IGSF9B: variants seen among roughly 807,000 people sequenced by gnomAD.
IGSF9B encodes the protein protein turtle homolog B.
Under a neutral mutation model 143.7 loss-of-function variants are expected in IGSF9B, and 48 were observed. The ratio of observed to expected loss-of-function variants is 0.33; its 90% CI spans 0.26 to 0.42. The LOEUF is 0.42. IGSF9B is among the 20% of genes least tolerant of loss of function. The pLI, the probability that IGSF9B is intolerant of heterozygous loss-of-function variation, is 1.00. For synonymous variants in IGSF9B, 903 were observed against 833.1 expected, an observed-to-expected ratio of 1.08 and a Z score of -1.44; for missense variants, 1,706 against 1,980.0, an observed-to-expected ratio of 0.86 and a Z score of 2.63.
Position 133,921,252 on chromosome 11 carries a change from G to T in IGSF9B, c.2473C>A (p.Arg825=), listed in dbSNP as rs776267595. The part of the protein sequence containing the change: ...KELSLYKKTK[R]AISSKKYSVA... ...CTGTACTTCTTGCTGCTGATGGCCC[G>T]CTTGGTCTTCTTGTACAGCGACAGC... Residue 825 remains arginine, a synonymous_variant, in exon 18 of 20, where the codon CGG becomes AGG. Transcript: ENST00000533871. The T allele has an allele frequency of 1.7e-5, 28 of 1,610,860 alleles. No homozygotes were observed. Among genetic ancestry groups the T allele is most frequent in the Non-Finnish European group, 2.3e-5 (27 of 1,179,048 alleles).
intron 3 of IGSF9B, among the ~76,000 whole-genome samples, chr11:133,943,077 G>T (rs1319902170): frequency 6.6e-6 from 1 of 152,104 alleles, no homozygotes; most frequent in Non-Finnish European, 1.5e-5. Context: ...GCCACCCTTC[G>T]GAGCAGATAA....
At chr11:133,952,894 C>T (rs566144877) in intron 1 of IGSF9B, among the ~76,000 whole-genome samples, 4 of 152,298 alleles carry the variant, frequency 2.6e-5, no homozygotes, top group African/African-American at 9.6e-5. Context: ...AGCTGCTTCA[C>T]CTCTTCTAGG....
At chr11:133,911,662 T>C (rs1267364644) in intron 19 of IGSF9B, among the ~76,000 whole-genome samples, 3 of 152,364 alleles carry the variant, frequency 2.0e-5, no homozygotes, top group East Asian at 1.9e-4. Flanking sequence ...ATTTCCCTTA[T>C]CTTTCTCGTT....
At chr11:133,919,709 AG>A (rs1939473343) in intron 18 of IGSF9B, 32 bp downstream of exon 18, 1 of 1,302,866 alleles carries the variant, frequency 7.7e-7, no homozygotes, top group African/African-American at 1.5e-5. Flanking sequence ...GAAGTTGCCC[AG>A]GTGCGGGTGG....
chr11:133,932,417 A>G lies in IGSF9B; in HGVS notation c.968-204T>C, dbSNP rs918735399. Among the ~76,000 whole-genome samples, 9 of 146,848 alleles carry G rather than the reference A, an allele frequency of 6.1e-5. No homozygotes were observed. The South Asian group carries it at 2.0e-3, about 33-fold the overall frequency. ...ACACAGGGAAGCCAGGTGGGAGAGC[A>G]GACAGACAGACAGATACAGGGACAG... On this transcript the variant is annotated intron_variant, in intron 7 of 19. Transcript: ENST00000533871.
chr11:133,930,503 A>C (rs1055415367), intron 11 of IGSF9B, among the ~76,000 whole-genome samples: 1 of 152,180 alleles, frequency 6.6e-6, no homozygotes, highest in African/African-American at 2.4e-5. Flanking sequence ...GTCCTGGGAC[A>C]CGCGCTTCGG....
At chr11:133,919,116 T>G in intron 18 of IGSF9B, 1 of 23,796 alleles carries the variant, frequency 4.2e-5, no homozygotes, top group Non-Finnish European at 8.1e-5. Flanking sequence ...CTGCGAGGTA[T>G]ACGGGGGGGG....
In IGSF9B at chr11:133,953,423, C is replaced by T. The variant is rs965489018; in HGVS notation, c.64+3268G>A. ...CCCCAGCATGTGTGTGCTGAGGATA[C>T]ACACACACATCCATCCAGCCACTGA... On this transcript the variant is annotated intron_variant, in intron 1 of 19. Coordinates refer to ENST00000533871, the MANE Select transcript of IGSF9B (RefSeq NM_001277285.4). This position sits in a 1 kb window ranked among gnomAD's most constrained non-coding sequence, Gnocchi z 4.2. Among the ~76,000 whole-genome samples, 6 of 152,164 alleles carry T rather than the reference C, an allele frequency of 3.9e-5. No individual in the cohort carries two copies. The highest frequency in any genetic ancestry group is 1.4e-4 in the African/African-American group (6 of 41,436).
intron 3 of IGSF9B, among the ~76,000 whole-genome samples, chr11:133,943,235 A>AC (rs1237238161): frequency 6.6e-6 from 1 of 152,236 alleles, no homozygotes; most frequent in Non-Finnish European, 1.5e-5. Context: ...CTGCCACACA[A>AC]CGGTGGCTAG....
chr11:133,921,289 G>A lies in IGSF9B; in HGVS notation c.2436C>T (p.Thr812=). Residue 812 remains threonine (T), a synonymous_variant, in exon 18 of 20, where the codon ACC becomes ACT. Coordinates refer to ENST00000533871, the MANE Select transcript of IGSF9B (RefSeq NM_001277285.4). The part of the protein sequence containing the change: ...QPAAKRMLSP[T]REKELSLYKK... ...TGTACAGCGACAGCTCCTTCTCACG[G>A]GTGGGGCTCAGCATCCTCTTGGCCG... The A allele has an allele frequency of 2.5e-6, 4 of 1,610,696 alleles. No individual in the cohort carries two copies. Among genetic ancestry groups the A allele is most frequent in the Non-Finnish European group, 2.5e-6 (3 of 1,178,558 alleles).
At position 133,919,979 on chromosome 11, in the gene IGSF9B, C is replaced by G; in HGVS notation, c.3746G>C (p.Arg1249Pro). The G allele has an allele frequency of 1.3e-6, 2 of 1,575,396 alleles. No homozygotes were observed. Among genetic ancestry groups the G allele is most frequent in the South Asian group, 1.2e-5 (1 of 86,738 alleles). ...GGAGCCTGTGGACGGCGTAGACTTT[C>G]GAGAAAAGCTGACTGCAGCCGGCGG... ...LQPPAAVSFSRKSTPSTGSPS... is the reference protein window; with the variant it reads ...LQPPAAVSFSPKSTPSTGSPS... The change falls in exon 18 of 20, where the codon CGA (arginine) becomes CCA (proline). Residue 1249 changes from arginine (R) to proline (P), a missense_variant. Transcript: ENST00000533871.
At chr11:133,956,596 A>C in intron 1 of IGSF9B, 95 bp downstream of exon 1, 8 of 805,526 alleles carry the variant, frequency 9.9e-6, no homozygotes, top group African/African-American at 1.8e-5. Context: ...GAGCTGGGGA[A>C]CCGGGGGGCC....
chr11:133,924,138 C>G lies in IGSF9B; in HGVS notation c.2119+682G>C, dbSNP rs185076529. Among the ~76,000 whole-genome samples the G allele has an allele frequency of 2.7e-4, 41 of 152,316 alleles. No individual in the cohort carries two copies. The East Asian group carries it at 7.9e-3, about 29-fold the overall frequency. Reference sequence around the variant, plus strand: ...CACTGTCACCTGGTCCCAGGGGACTCTGGGTGAGCGGTGCCCAAGGAAATG... The same window carrying G: ...CACTGTCACCTGGTCCCAGGGGACTGTGGGTGAGCGGTGCCCAAGGAAATG... On this transcript the variant is annotated intron_variant, in intron 15 of 19. Coordinates refer to ENST00000533871, the MANE Select transcript of IGSF9B (RefSeq NM_001277285.4).
chr11:133,935,881 G>A lies in IGSF9B; in HGVS notation c.822-119C>T, dbSNP rs140788663. 4.0e-4 allele frequency: 573 copies of A among 1,428,930 alleles called. No individual in the cohort carries two copies. In the African/African-American group the frequency reaches 6.9e-3, roughly 17 times the overall value. The allele number at this position is 1,428,930 out of a possible 1,614,324, so 88.5% of individuals were successfully genotyped here. The stretch of plus-strand genomic sequence containing the variant: ...AGAGCCCATGCCCCTGGCATCCCCA[G>A]GGCCCCTCCATGCAGACCCTGGCCT... On this transcript the variant is annotated intron_variant, in intron 6 of 19. Coordinates refer to ENST00000533871, the MANE Select transcript of IGSF9B (RefSeq NM_001277285.4).
chr11:133,920,607 A>G lies in IGSF9B; in HGVS notation c.3118T>C (p.Trp1040Arg), dbSNP rs771331934. 4.3e-6 allele frequency: 7 copies of G among 1,613,274 alleles called. No homozygotes were observed. The South Asian group carries it at 7.7e-5, about 18-fold the overall frequency. ...TPTGGRSPEPWGRPEFPFGGL... is the reference protein window; with the variant it reads ...TPTGGRSPEPRGRPEFPFGGL... ...CCGAAGGGGAATTCTGGCCGGCCCC[A>G]GGGCTCAGGGGAGCGCCCTCCTGTA... The change falls in exon 18 of 20, where the codon TGG becomes CGG. Residue 1040 changes from tryptophan (W) to arginine (R), a missense_variant. This residue lies in a region of IGSF9B where 880 missense variants were observed against 762.9 expected (regional missense o/e 1.15). Transcript: ENST00000533871.
In IGSF9B at chr11:133,901,771, G is replaced by C. The variant is rs370681571; in HGVS notation, c.*7298C>G. Among the ~76,000 whole-genome samples the C allele has an allele frequency of 3.0e-4, 45 of 151,702 alleles. No individual in the cohort carries two copies. The highest frequency in any genetic ancestry group is 3.4e-3 in the Middle Eastern group (1 of 292). ...TGACACTACGCAGGCAAATCAGCATGTCTGTACAAATCTCTCTCACACACA... is the reference window on the plus strand; with the variant it reads ...TGACACTACGCAGGCAAATCAGCATCTCTGTACAAATCTCTCTCACACACA... On this transcript the variant is annotated 3_prime_UTR_variant, in exon 20 of 20. Coordinates refer to ENST00000533871, the MANE Select transcript of IGSF9B (RefSeq NM_001277285.4).
intron 11 of IGSF9B, among the ~76,000 whole-genome samples, chr11:133,930,575 G>A (rs958139337): frequency 5.3e-5 from 8 of 152,150 alleles, no homozygotes; most frequent in Admixed American, 1.3e-4. Context: ...CCCAGCCTCC[G>A]CACGCCAGGC....
rs1413831563 is a variant in IGSF9B, at chr11:133,928,444, CT to C, written c.1631+1226del. Among the ~76,000 whole-genome samples, 3 of 152,218 alleles carry C rather than the reference CT, an allele frequency of 2.0e-5. No individual in the cohort carries two copies. Among genetic ancestry groups the C allele is most frequent in the East Asian group, 3.9e-4 (2 of 5,182 alleles). ...ATGATGGGAGACAGAGCGGGTGCCC[CT>C]CTCAACTTCCCTCGCTGCTGAGAAG... On this transcript the variant is annotated intron_variant, in intron 12 of 19. Transcript: ENST00000533871. This position sits in a 1 kb window ranked among gnomAD's most constrained non-coding sequence, Gnocchi z 4.7.
intron 18 of IGSF9B, among the ~76,000 whole-genome samples, chr11:133,916,253 T>G (rs1939380183): frequency 1.3e-5 from 2 of 149,408 alleles, no homozygotes; most frequent in African/African-American, 2.5e-5. Context: ...GAGAAGGGAG[T>G]TGGGAAGAGG....
Sources: gnomAD v4.1 joint callset for allele counts (sites outside exome capture counted in the v4.1 genomes callset) on GRCh38, gnomAD v4.1.1 for gene constraint, gnomAD v4.1.1 regional missense constraint, Gnocchi (gnomAD v3.1) non-coding constraint, MANE v1.5 for transcripts, NCBI Gene and HGNC (gene_info 2026-07-23, HGNC 2026-07-21) for gene names.